RTN4: variants seen among roughly 807,000 people sequenced by gnomAD.
RTN4 encodes the protein reticulon-4.
In RTN4, 32 loss-of-function variants were observed where a neutral mutation model predicts 90.4. The ratio of observed to expected loss-of-function variants is 0.35; its 90% CI spans 0.27 to 0.48. RTN4 has a LOEUF of 0.48. Among genes scored for constraint, RTN4 ranks in the 20% least tolerant of loss-of-function variants. RTN4 has a pLI of 0.99. For missense variants in RTN4, 1,706 were observed against 1,430.2 expected, an observed-to-expected ratio of 1.19 and a Z score of -3.11; for synonymous variants, 629 against 552.5, an observed-to-expected ratio of 1.14 and a Z score of -1.94.
intron 4 of RTN4, among the ~76,000 whole-genome samples, chr2:54,984,148 G>A (rs1448938051): frequency 3.3e-5 from 5 of 151,994 alleles, no homozygotes; most frequent in Non-Finnish European, 7.4e-5. Flanking sequence ...CCCATACATA[G>A]AGCCTTATCT....
chr2:55,010,161 T>C lies in RTN4; in HGVS notation c.3013+14925A>G, dbSNP rs201191821. On this transcript the variant is annotated intron_variant, in intron 3 of 8. Coordinates refer to ENST00000337526, the MANE Select transcript of RTN4 (RefSeq NM_020532.5). ...GCTTTGCAGCTCCAATTATTAATTA[T>C]GCATACCAACAGAAAAGCTGTAACT... 129 of 1,612,326 alleles carry C rather than the reference T, an allele frequency of 8.0e-5. No individual in the cohort carries two copies. In the South Asian group the frequency reaches 1.4e-3, roughly 17 times the overall value.
the RTN4 span, among the ~76,000 whole-genome samples, chr2:55,136,878 T>G: frequency 2.0e-5 from 3 of 152,204 alleles, no homozygotes; most frequent in Admixed American, 6.5e-5. Flanking sequence ...ATCAATACCC[T>G]GGGCCAGGTA....
At chr2:55,080,699 T>C (rs1038784657) in intron 1 of RTN4, 1 of 152,156 alleles carries the variant, frequency 6.6e-6, no homozygotes, top group Non-Finnish European at 1.5e-5. Flanking sequence ...CTAAGAAAAG[T>C]TTTTAAATCT....
Position 55,106,899 on chromosome 2 carries a change from G to C in RTN4, c.-214+5621C>G, listed in dbSNP as rs1027936430. Reference sequence around the variant, plus strand: ...AATGTTTAAAGAAAGTGAACCAAAAGACAGTACACAAACACTAGCACCTGA... The same window carrying C: ...AATGTTTAAAGAAAGTGAACCAAAACACAGTACACAAACACTAGCACCTGA... On this transcript the variant is annotated intron_variant, in intron 1 of 3. Transcript: ENST00000427710. Among the ~76,000 whole-genome samples the C allele has an allele frequency of 3.3e-5, 5 of 152,188 alleles. 1 individual carries two copies. The highest frequency in any genetic ancestry group is 1.2e-4 in the African/African-American group (5 of 41,420).
intron 2 of RTN4, among the ~76,000 whole-genome samples, chr2:55,066,530 A>C (rs1215281123): frequency 6.6e-6 from 1 of 151,884 alleles, no homozygotes; most frequent in Non-Finnish European, 1.5e-5. Flanking sequence ...CCCTGTCTCT[A>C]CTAAAAATAC....
chr2:55,022,048 C>G (rs555476501), intron 3 of RTN4, among the ~76,000 whole-genome samples: 33 of 152,286 alleles, frequency 2.2e-4, no homozygotes, highest in Non-Finnish European at 3.8e-4. Context: ...GCAATGCCCC[C>G]TTTTCTTCCC....
chr2:55,045,427 T>C (rs950104414), intron 1 of RTN4, among the ~76,000 whole-genome samples: 1 of 152,220 alleles, frequency 6.6e-6, no homozygotes. Flanking sequence ...AATGAACAAA[T>C]AATGAAATAG....
intron 3 of RTN4, among the ~76,000 whole-genome samples, chr2:54,991,425 A>G (rs1327812833): frequency 1.3e-5 from 2 of 152,232 alleles, no homozygotes; most frequent in Non-Finnish European, 2.9e-5. Flanking sequence ...AGAAGGAAAT[A>G]TCAGGACTGG....
chr2:55,122,826 A>T, the RTN4 span, among the ~76,000 whole-genome samples: 83 of 152,368 alleles, frequency 5.4e-4, 1 homozygote, highest in Admixed American at 4.7e-3. Flanking sequence ...CTGTCCCTGC[A>T]CCATCTGCAC....
intron 1 of RTN4, among the ~76,000 whole-genome samples, chr2:55,029,316 G>A (rs898896832): frequency 1.7e-4 from 26 of 151,998 alleles, no homozygotes; most frequent in African/African-American, 2.4e-5. Flanking sequence ...ATTTTGTTAC[G>A]GCAGCCCAAG....
In RTN4 at chr2:54,991,142, C is replaced by A. The variant is rs544781009; in HGVS notation, c.3014-3444G>T. Reference sequence around the variant, plus strand: ...TTATAAAAGTGGTTCTCAAACTGCTCAGAAACATTAATTAACCTTCAAAAT... The same window carrying A: ...TTATAAAAGTGGTTCTCAAACTGCTAAGAAACATTAATTAACCTTCAAAAT... On this transcript the variant is annotated intron_variant, in intron 3 of 8. Transcript: ENST00000337526. Among the ~76,000 whole-genome samples, 100 of 152,140 alleles carry A rather than the reference C, an allele frequency of 6.6e-4. 2 individuals carry two copies. Among genetic ancestry groups the A allele is most frequent in the Middle Eastern group, 3.2e-3 (1 of 314 alleles).
At position 55,026,549 on chromosome 2, in the gene RTN4, G is replaced by C. The variant is rs201909156; in HGVS notation, c.1550C>G (p.Pro517Arg). 3 of 1,613,538 alleles carry C rather than the reference G, an allele frequency of 1.9e-6. No individual in the cohort carries two copies. The highest frequency in any genetic ancestry group is 4.5e-5 in the East Asian group (2 of 44,874). ...AGAATCCTGTGCTGCTACAAGAAAA[G>C]GGTTTGATGTTTTGGTGCTAGTATT... Reference protein sequence around the residue: ...EKNTSTKTSNPFLVAAQDSET... With the variant: ...EKNTSTKTSNRFLVAAQDSET... The change falls in exon 3 of 9, where the codon CCT becomes CGT. Residue 517 changes from proline (P) to arginine (R), a missense_variant. Transcript: ENST00000337526.
intron 1 of RTN4, among the ~76,000 whole-genome samples, chr2:55,101,127 T>C (rs896687863): frequency 1.3e-5 from 2 of 152,008 alleles, no homozygotes; most frequent in African/African-American, 4.8e-5. Flanking sequence ...TAGGATTATA[T>C]TTTAGTAAAA....
chr2:55,126,672 T>A, the RTN4 span, among the ~76,000 whole-genome samples: 2 of 152,206 alleles, frequency 1.3e-5, no homozygotes, highest in Non-Finnish European at 2.9e-5. Context: ...AATCCCATTA[T>A]TGGGTATATC....
chr2:55,107,633 G>C (rs1239671904), intron 1 of RTN4, among the ~76,000 whole-genome samples: 1 of 151,980 alleles, frequency 6.6e-6, no homozygotes, highest in Non-Finnish European at 1.5e-5. Flanking sequence ...AGGCACTTCA[G>C]GCTAAGCAGA....
chr2:54,974,136 T>C (rs1677399674), intron 6 of RTN4: 1 of 380,910 alleles, frequency 2.6e-6, no homozygotes, highest in East Asian at 5.4e-5. Flanking sequence ...AAGGTATCCC[T>C]GGTTAGATTT....
At chr2:55,096,359 G>A (rs1404903073) in intron 1 of RTN4, among the ~76,000 whole-genome samples, 1 of 151,884 alleles carries the variant, frequency 6.6e-6, no homozygotes, top group Non-Finnish European at 1.5e-5. Flanking sequence ...CTACCACCAG[G>A]ACTTATCACT....
At chr2:55,125,397 G>A in the RTN4 span, among the ~76,000 whole-genome samples, 17 of 152,192 alleles carry the variant, frequency 1.1e-4, no homozygotes, top group Admixed American at 9.2e-4. Flanking sequence ...CACCTATAAG[G>A]AACTTGAACA....
At chr2:54,996,457 C>G (rs754215517) in intron 3 of RTN4, among the ~76,000 whole-genome samples, 1 of 152,122 alleles carries the variant, frequency 6.6e-6, no homozygotes. Flanking sequence ...ATATAGTAAT[C>G]AAGACAGTAG....
Sources: gnomAD v4.1 joint callset for allele counts (sites outside exome capture counted in the v4.1 genomes callset) on GRCh38, gnomAD v4.1.1 for gene constraint, MANE v1.5 for transcripts, NCBI Gene and HGNC (gene_info 2026-07-23, HGNC 2026-07-21) for gene names.